The following FRMD5 variants were observed in gnomAD, a reference collection of about 807,000 sequenced individuals.
The protein encoded by FRMD5 is FERM domain containing 5.
Under a neutral mutation model 69.0 loss-of-function variants are expected in FRMD5, and 20 were observed. The observed-to-expected ratio is 0.29, with a 90% CI of 0.20 to 0.42. The LOEUF (loss-of-function observed/expected upper bound fraction) is 0.42, where lower values mean the gene tolerates loss of function less well. Ranked by LOEUF, FRMD5 falls within the 10% of genes least tolerant of loss-of-function variation. FRMD5 has a pLI of 1.00. For missense variants in FRMD5, 595 were observed against 708.6 expected (o/e 0.84, Z 1.82); for synonymous variants, 271 against 260.1 (o/e 1.04, Z -0.40).
chr15:43,879,481 C>T lies in FRMD5; in HGVS notation c.1135+4222G>A, dbSNP rs571449417. The stretch of plus-strand genomic sequence containing the variant: ...ATCTGCGCTAACTGGCACAGCAAAA[C>T]AGGAGAGCCTTTTTTACCTTGGAAA... On this transcript the variant is annotated intron_variant, in intron 13 of 13. Transcript: ENST00000417257. 1.3e-5 allele frequency: 5 copies of T among 399,036 alleles called. No homozygotes were observed. The East Asian group carries it at 1.8e-4, about 14-fold the overall frequency. 24.7% of individuals were successfully genotyped at this position (399,036 alleles called of 1,614,324 possible). A position where few individuals can be genotyped will look rare whatever the true frequency, so the allele number is the denominator to read the frequency against.
intron 1 of FRMD5, among the ~76,000 whole-genome samples, chr15:44,182,814 G>T (rs892520318): frequency 6.6e-6 from 1 of 151,922 alleles, no homozygotes; most frequent in African/African-American, 2.4e-5. Flanking sequence ...TTCATTTTTT[G>T]AGACGGAGTC....
intron 6 of FRMD5, among the ~76,000 whole-genome samples, 157 bp from the exon 7 acceptor site, chr15:43,902,419 G>A (rs75349296): frequency 1.1e-3 from 161 of 152,264 alleles, no homozygotes; most frequent in African/African-American, 3.8e-3. Flanking sequence ...CGAGACTCCT[G>A]CTAGAGTCTC....
chr15:44,011,404 G>C (rs1274500847), intron 1 of FRMD5, among the ~76,000 whole-genome samples: 1 of 152,152 alleles, frequency 6.6e-6, no homozygotes, highest in Non-Finnish European at 1.5e-5. Flanking sequence ...TCACTAAGAG[G>C]GAAGAGTCAA....
Position 43,964,844 on chromosome 15 carries a change from A to C in FRMD5, c.103-40535T>G, listed in dbSNP as rs527495985. ...AAGAGGCAACCTTGGATTACTAAAT[A>C]AATGAAAACACAATGACTTATAGCC... On this transcript the variant is annotated intron_variant, in intron 1 of 13. Coordinates refer to ENST00000417257, the MANE Select transcript of FRMD5 (RefSeq NM_032892.5). Among the ~76,000 whole-genome samples the C allele has an allele frequency of 1.5e-4, 23 of 152,350 alleles. No homozygotes were observed. In the South Asian group the frequency reaches 4.8e-3, roughly 32 times the overall value.
chr15:43,986,453 G>T (rs1264179431), intron 1 of FRMD5, among the ~76,000 whole-genome samples: 2 of 152,196 alleles, frequency 1.3e-5, no homozygotes, highest in African/African-American at 4.8e-5. Context: ...CTTAGTGAAG[G>T]CAAACTAATC....
intron 1 of FRMD5, among the ~76,000 whole-genome samples, chr15:44,139,497 TAGAC>T (rs1248838692): frequency 1.3e-5 from 2 of 151,534 alleles, no homozygotes; most frequent in South Asian, 4.2e-4. Context: ...AGTTTGAAAA[TAGAC>T]AGTGAAAAAT....
chr15:43,901,630 C>T (rs1216549990), intron 7 of FRMD5, among the ~76,000 whole-genome samples: 4 of 152,168 alleles, frequency 2.6e-5, no homozygotes, highest in African/African-American at 7.2e-5. Flanking sequence ...GACTGGCTGC[C>T]CCCGCTCATC....
intron 2 of FRMD5, among the ~76,000 whole-genome samples, chr15:43,921,971 T>A (rs1561458): frequency 0.09 from 13,747 of 152,094 alleles, 1,111 homozygotes; most frequent in African/African-American, 0.22. Flanking sequence ...AGAGGTTTAT[T>A]TTAGGCCCTT....
chr15:44,170,401 T>C (rs554898826), intron 1 of FRMD5, among the ~76,000 whole-genome samples: 122 of 151,942 alleles, frequency 8.0e-4, no homozygotes, highest in Non-Finnish European at 1.5e-3. Context: ...CATACATCTC[T>C]AATCCCAGCT....
At chr15:44,045,615 A>G (rs148282426) in intron 1 of FRMD5, among the ~76,000 whole-genome samples, 2 of 152,358 alleles carry the variant, frequency 1.3e-5, no homozygotes, top group African/African-American at 4.8e-5. Context: ...GTTGACAATA[A>G]AACTAGTAAT....
chr15:43,982,218 G>A lies in FRMD5; in HGVS notation c.103-57909C>T, dbSNP rs534573819. On this transcript the variant is annotated intron_variant, in intron 1 of 13. Coordinates refer to ENST00000417257, the MANE Select transcript of FRMD5 (RefSeq NM_032892.5). Reference sequence around the variant, plus strand: ...GGCTGAATTAGAGATGTTGTGTTTCGGGGCAAGTAGACCACTTCGATGTCT... The same window carrying A: ...GGCTGAATTAGAGATGTTGTGTTTCAGGGCAAGTAGACCACTTCGATGTCT... Among the ~76,000 whole-genome samples the A allele has an allele frequency of 5.3e-5, 8 of 152,302 alleles. 1 individual carries two copies. The highest frequency in any genetic ancestry group is 1.7e-4 in the African/African-American group (7 of 41,564).
rs1893435455 is a variant in FRMD5 at position 44,069,324 on chromosome 15, G to A, written c.102+125629C>T. Among the ~76,000 whole-genome samples the A allele has an allele frequency of 2.0e-5, 3 of 152,062 alleles. No homozygotes were observed. In the South Asian group the frequency reaches 6.2e-4, roughly 31 times the overall value. ...CACATAACCTAGCATTACATTCCTA[G>A]GCATTTATCCCAAAGAAATGAAAAC... On this transcript the variant is annotated intron_variant, in intron 1 of 13. Transcript: ENST00000417257.
In FRMD5 at chr15:43,873,954, G is replaced by C; in HGVS notation, c.1644C>G (p.Tyr548Ter). 1 of 1,614,226 alleles carries C rather than the reference G, an allele frequency of 6.2e-7. No individual in the cohort carries two copies. The change falls in exon 14 of 14, where the codon TAC becomes TAG. Residue 548 changes from tyrosine to a stop codon, truncating the protein, a stop_gained. Coordinates refer to ENST00000417257, the MANE Select transcript of FRMD5 (RefSeq NM_032892.5). LOFTEE classifies it high-confidence loss of function. ...TPEFEQFHYQ[Y>*]FCPLRRWFAC... Reference sequence around the variant, plus strand: ...CAAACCATCGCCTGAGGGGACAAAAGTATTGATAGTGGAATTGTTCAAACT... The same window carrying C: ...CAAACCATCGCCTGAGGGGACAAAACTATTGATAGTGGAATTGTTCAAACT...
At chr15:43,982,053 G>C (rs559105808) in intron 1 of FRMD5, among the ~76,000 whole-genome samples, 1 of 152,284 alleles carries the variant, frequency 6.6e-6, no homozygotes, top group East Asian at 1.9e-4. Flanking sequence ...TTTCTATAAT[G>C]ATGGCATCTC....
intron 1 of FRMD5, among the ~76,000 whole-genome samples, chr15:43,931,937 G>C (rs2089683275): frequency 6.6e-6 from 1 of 152,142 alleles, no homozygotes; most frequent in Admixed American, 6.5e-5. Flanking sequence ...GGAAGGCAAA[G>C]GCTTTGAGAA....
intron 1 of FRMD5, among the ~76,000 whole-genome samples, chr15:44,132,341 T>C (rs2077113639): frequency 6.6e-6 from 1 of 152,178 alleles, no homozygotes; most frequent in African/African-American, 2.4e-5. Flanking sequence ...GGGGGACCTC[T>C]GATGTAATGG....
chr15:44,005,166 G>A (rs573125805), intron 1 of FRMD5, among the ~76,000 whole-genome samples: 1 of 152,208 alleles, frequency 6.6e-6, no homozygotes, highest in Non-Finnish European at 1.5e-5. Flanking sequence ...TCTGTATTAA[G>A]TCCACTCTCA....
chr15:43,975,858 C>T (rs1409341971), intron 1 of FRMD5, among the ~76,000 whole-genome samples: 1 of 151,970 alleles, frequency 6.6e-6, no homozygotes, highest in Non-Finnish European at 1.5e-5. Context: ...CTAATATGAT[C>T]TAGATTCAAG....
At chr15:43,992,772 A>G (rs891942955) in intron 1 of FRMD5, among the ~76,000 whole-genome samples, 1 of 152,134 alleles carries the variant, frequency 6.6e-6, no homozygotes. Context: ...GTACAATGGC[A>G]TGGTCATTGC....
Sources: allele counts gnomAD v4.1 joint callset (sites outside exome capture counted in the v4.1 genomes callset), GRCh38; gene constraint gnomAD v4.1.1; transcripts MANE v1.5; gene names NCBI Gene and HGNC (gene_info 2026-07-23, HGNC 2026-07-21).